Variants in GALNT13 observed in about 807,000 individuals in gnomAD.
GALNT13 encodes polypeptide N-acetylgalactosaminyltransferase 13, also known as UDP-GalNAc:polypeptide N-acetylgalactosaminyltransferase 13.
In GALNT13, 28 loss-of-function variants were observed where a neutral mutation model predicts 64.2. That is an observed-to-expected ratio of 0.44 (90% CI 0.32 to 0.60). GALNT13 has a LOEUF of 0.60. Among genes scored for constraint, GALNT13 ranks in the 20% least tolerant of loss-of-function variants. The probability of loss-of-function intolerance (pLI) is 0.05; values close to 1 mark genes in which losing one functional copy is unlikely to be tolerated. For missense variants in GALNT13, 577 were observed against 669.8 expected (o/e 0.86, Z 1.53); for synonymous variants, 214 against 224.6 (o/e 0.95, Z 0.42).
chr2:153,114,358 C>T, the GALNT13 span, among the ~76,000 whole-genome samples: 6 of 152,130 alleles, frequency 3.9e-5, no homozygotes, highest in Non-Finnish European at 8.8e-5. Context: ...GACCCTGGCT[C>T]TTGCACTGTG....
intron 9 of GALNT13, among the ~76,000 whole-genome samples, chr2:154,381,463 T>A (rs779213612): frequency 5.3e-5 from 8 of 152,066 alleles, no homozygotes; most frequent in Non-Finnish European, 1.0e-4. Context: ...TAATCTCACA[T>A]TTGTTAATTT....
At chr2:153,402,212 T>C in the GALNT13 span, among the ~76,000 whole-genome samples, 1 of 150,798 alleles carries the variant, frequency 6.6e-6, no homozygotes, top group Admixed American at 6.6e-5. Flanking sequence ...GATATGAAAT[T>C]CTGGGTTGAA....
At chr2:154,414,442 A>G (rs1258710515) in intron 11 of GALNT13, among the ~76,000 whole-genome samples, 1 of 151,768 alleles carries the variant, frequency 6.6e-6, no homozygotes, top group Non-Finnish European at 1.5e-5. Context: ...TAGTCACTGT[A>G]TTTGCATTGA....
intron 3 of GALNT13, among the ~76,000 whole-genome samples, chr2:154,000,204 GT>G: frequency 6.6e-6 from 1 of 151,774 alleles, no homozygotes; most frequent in Non-Finnish European, 1.5e-5. Context: ...ATTTAGTTGA[GT>G]TTTTACTCTT....
At chr2:154,297,486 A>G (rs182964966) in intron 8 of GALNT13, among the ~76,000 whole-genome samples, 1 of 152,294 alleles carries the variant, frequency 6.6e-6, no homozygotes, top group East Asian at 1.9e-4. Context: ...AAGAGAAAGA[A>G]ATACCAGACT....
the GALNT13 span, among the ~76,000 whole-genome samples, chr2:153,493,140 A>G: frequency 6.6e-6 from 1 of 152,096 alleles, no homozygotes; most frequent in Non-Finnish European, 1.5e-5. Context: ...AGCAAAGTAA[A>G]TAGAAGACGG....
chr2:153,566,347 C>CGTTTTGTT, the GALNT13 span, among the ~76,000 whole-genome samples: 2 of 76,412 alleles, frequency 2.6e-5, no homozygotes, highest in African/African-American at 1.1e-4. Context: ...CTTCTAATCA[C>CGTTTTGTT]GTTTTTTTTT....
the GALNT13 span, among the ~76,000 whole-genome samples, chr2:153,522,667 G>A: frequency 4.6e-5 from 7 of 152,228 alleles, no homozygotes; most frequent in South Asian, 1.5e-3. Flanking sequence ...CTTCTTTCGT[G>A]TGGTGCCTAT....
intron 7 of GALNT13, 61 bp downstream of exon 7, chr2:154,246,043 A>G: frequency 8.7e-7 from 1 of 1,150,762 alleles, no homozygotes; most frequent in African/African-American, 1.6e-5. Flanking sequence ...GGAATATTAT[A>G]GATTTCTGTT....
the GALNT13 span, among the ~76,000 whole-genome samples, chr2:153,533,056 T>A: frequency 2.6e-5 from 4 of 152,204 alleles, no homozygotes; most frequent in African/African-American, 4.8e-5. Flanking sequence ...TTCGATTCTC[T>A]TTTTGCTTGA....
the GALNT13 span, among the ~76,000 whole-genome samples, chr2:153,362,169 A>G: frequency 1.3e-5 from 2 of 152,138 alleles, no homozygotes; most frequent in Non-Finnish European, 2.9e-5. Flanking sequence ...ACAAGCAAAT[A>G]TAGGGGATTT....
intron 9 of GALNT13, among the ~76,000 whole-genome samples, chr2:154,330,624 T>C (rs1313766215): frequency 6.6e-6 from 1 of 152,094 alleles, no homozygotes. Context: ...CAGGGACCAG[T>C]GATTTGGCCA....
chr2:153,215,605 C>A, the GALNT13 span, among the ~76,000 whole-genome samples: 1 of 151,990 alleles, frequency 6.6e-6, no homozygotes, highest in Non-Finnish European at 1.5e-5. Context: ...GAAGGGGATG[C>A]GGGTTCAGAA....
At chr2:153,431,881 C>G in the GALNT13 span, among the ~76,000 whole-genome samples, 1 of 152,186 alleles carries the variant, frequency 6.6e-6, no homozygotes, top group Non-Finnish European at 1.5e-5. Context: ...AAGACAATCA[C>G]ATTATATTGG....
chr2:154,210,086 G>A (rs1194020748), intron 4 of GALNT13, among the ~76,000 whole-genome samples: 1 of 152,150 alleles, frequency 6.6e-6, no homozygotes, highest in Non-Finnish European at 1.5e-5. Flanking sequence ...GTAAGATCAT[G>A]TGGTATTTGT....
the GALNT13 span, among the ~76,000 whole-genome samples, chr2:153,755,196 TTG>T: frequency 6.6e-6 from 1 of 152,132 alleles, no homozygotes; most frequent in Non-Finnish European, 1.5e-5. Flanking sequence ...TTCTGTTCGT[TTG>T]TGTTTGTTTG....
chr2:153,101,893 T>C, the GALNT13 span, among the ~76,000 whole-genome samples: 1 of 152,240 alleles, frequency 6.6e-6, no homozygotes, highest in East Asian at 1.9e-4. Context: ...CAGAAGTAAC[T>C]ATTATTAGGA....
intron 1 of GALNT13, among the ~76,000 whole-genome samples, chr2:153,877,674 G>T (rs569202928): frequency 1.6e-4 from 24 of 152,148 alleles, no homozygotes; most frequent in African/African-American, 5.8e-4. Context: ...GATAGAGAAG[G>T]TGAGATTTAT....
chr2:153,310,444 C>T, the GALNT13 span, among the ~76,000 whole-genome samples: 1 of 152,028 alleles, frequency 6.6e-6, no homozygotes, highest in African/African-American at 2.4e-5. Flanking sequence ...TTTTGCCACC[C>T]CTGAGACAGC....
Sources: allele counts gnomAD v4.1 joint callset (sites outside exome capture counted in the v4.1 genomes callset), GRCh38; gene constraint gnomAD v4.1.1; transcripts MANE v1.5; gene names NCBI Gene and HGNC (gene_info 2026-07-23, HGNC 2026-07-21).